Variants in ABCE1 observed in about 807,000 individuals in gnomAD.
The protein encoded by ABCE1 is ATP-binding cassette sub-family E member 1.
Under a neutral mutation model 83.4 loss-of-function variants are expected in ABCE1, and 22 were observed. That is an observed-to-expected ratio of 0.26 (90% CI 0.19 to 0.38). The LOEUF (loss-of-function observed/expected upper bound fraction) is 0.38. Ranked by LOEUF, ABCE1 falls within the 10% of genes least tolerant of loss-of-function variation. ABCE1 has a pLI of 1.00. For missense variants in ABCE1, 330 were observed against 721.9 expected, an observed-to-expected ratio of 0.46 and a Z score of 6.22; for synonymous variants, 204 against 233.7, an observed-to-expected ratio of 0.87 and a Z score of 1.16.
Position 145,123,615 on chromosome 4 carries a change from TA to T in ABCE1, c.1640+17del, listed in dbSNP as rs1465236099. 1 of 1,586,704 alleles carries T rather than the reference TA, an allele frequency of 6.3e-7. No homozygotes were observed. The highest frequency in any genetic ancestry group is 2.3e-5 in the East Asian group (1 of 44,112). ...GTTGCAAACAGGTAAAATTACTTTT[TA>T]ATATGTTCAAAGTAATTCATTTTAA... On this transcript the variant is annotated intron_variant, in intron 16 of 17. Coordinates refer to ENST00000296577, the MANE Select transcript of ABCE1 (RefSeq NM_002940.3).
At chr4:145,119,906 C>T (rs957651321) in intron 10 of ABCE1, 26 bp from the exon 11 acceptor site, 28 of 1,570,436 alleles carry the variant, frequency 1.8e-5, no homozygotes, top group African/African-American at 4.1e-5. Context: ...ATGATTTCTC[C>T]CGGTTGACAA....
intron 17 of ABCE1, among the ~76,000 whole-genome samples, chr4:145,125,674 T>C (rs1749861567): frequency 1.3e-5 from 2 of 152,180 alleles, no homozygotes; most frequent in African/African-American, 2.4e-5. Context: ...CCACTTAAAA[T>C]GTCTGGGGAA....
intron 3 of ABCE1, 31 bp downstream of exon 3, chr4:145,105,721 G>A (rs376835589): frequency 3.5e-5 from 51 of 1,474,462 alleles, no homozygotes; most frequent in Middle Eastern, 2.3e-4. Flanking sequence ...TGGATCAAAC[G>A]TGTAACCTAA....
At position 145,123,199 on chromosome 4, in the gene ABCE1, A is replaced by G. The variant is rs764445391; in HGVS notation, c.1375-16A>G. 6.9e-6 allele frequency: 11 copies of G among 1,595,606 alleles called. No individual in the cohort carries two copies. Among genetic ancestry groups the G allele is most frequent in the African/African-American group, 2.7e-5 (2 of 73,586 alleles). On this transcript the variant is annotated splice_polypyrimidine_tract_variant and intron_variant, in intron 14 of 17. Transcript: ENST00000296577. ...TTTGGATGCCTTTACATGGTTTGCT[A>G]AACTCCTCCAATTAGGTGCAGACAT... is the stretch of plus-strand genomic sequence containing the variant.
intron 1 of ABCE1, among the ~76,000 whole-genome samples, chr4:145,103,766 G>GTTT (rs4148236): frequency 1.4e-5 from 2 of 138,442 alleles, no homozygotes; most frequent in African/African-American, 2.6e-5. Flanking sequence ...GTTGGTTGGG[G>GTTT]TTTTTTTTTT....
At chr4:145,109,488 G>A (rs999770659) in intron 5 of ABCE1, among the ~76,000 whole-genome samples, 5 of 152,090 alleles carry the variant, frequency 3.3e-5, no homozygotes, top group Non-Finnish European at 5.9e-5. Flanking sequence ...TGATTCTGCT[G>A]TATTACACAC....
In ABCE1 at chr4:145,107,636, G is replaced by A. The variant is rs35521789; in HGVS notation, c.190-379G>A. On this transcript the variant is annotated intron_variant, in intron 3 of 17. Transcript: ENST00000296577. ...TCAAACTGTGCAGATCTACATACAC[G>A]TGTATTTTTTCCCCCAACCAAATGC... Among the ~76,000 whole-genome samples the A allele has an allele frequency of 7.0e-3, 1,066 of 152,268 alleles. 7 individuals are homozygous for A. The highest frequency in any genetic ancestry group is 0.02 in the Middle Eastern group (6 of 294).
Position 145,127,568 on chromosome 4 carries a change from G to T in ABCE1, c.1795G>T (p.Asp599Tyr). 6.4e-7 allele frequency: 1 copy of T among 1,566,192 alleles called. No homozygotes were observed. Among genetic ancestry groups the T allele is most frequent in the Non-Finnish European group, 8.6e-7 (1 of 1,164,154 alleles). The change falls in exon 18 of 18, where the codon GAT (aspartate) becomes TAT (tyrosine). Residue 599 changes from aspartate to tyrosine, a missense_variant. Physicochemically the swap from Asp to Tyr is radical, Grantham distance 160. Coordinates refer to ENST00000296577, the MANE Select transcript of ABCE1 (RefSeq NM_002940.3). Reference protein sequence around the residue: ...KKSGNYFFLDD With the variant: ...KKSGNYFFLDY ...GAGTGGAAACTACTTTTTCTTGGAT[G>T]ATTAGACTGACTCTGAGAATATTGA...
intron 16 of ABCE1, among the ~76,000 whole-genome samples, chr4:145,124,699 G>A (rs1187363626): frequency 1.3e-5 from 2 of 152,086 alleles, no homozygotes; most frequent in Non-Finnish European, 2.9e-5. Flanking sequence ...ATTATCTTCT[G>A]TTTTTCTAAA....
At chr4:145,105,897 G>A (rs1464433188) in intron 3 of ABCE1, among the ~76,000 whole-genome samples, 1 of 151,842 alleles carries the variant, frequency 6.6e-6, no homozygotes, top group Non-Finnish European at 1.5e-5. Context: ...AGTTACTCTT[G>A]CTGTACTCAA....
At chr4:145,098,953 C>T (rs1749004763) in intron 1 of ABCE1, among the ~76,000 whole-genome samples, 1 of 152,238 alleles carries the variant, frequency 6.6e-6, no homozygotes, top group Admixed American at 6.5e-5. Context: ...ATGATGCCCA[C>T]ATGTCACTCT....
intron 1 of ABCE1, among the ~76,000 whole-genome samples, chr4:145,103,674 C>T (rs1482490049): frequency 6.6e-6 from 1 of 152,014 alleles, no homozygotes; most frequent in Non-Finnish European, 1.5e-5. Flanking sequence ...GTGGGATTTC[C>T]CCCATCCTGC....
In ABCE1 at chr4:145,110,308, T is replaced by C; in HGVS notation, c.544-67T>C. 7 of 1,596,736 alleles carry C rather than the reference T, an allele frequency of 4.4e-6. No individual in the cohort carries two copies. In the South Asian group the frequency reaches 7.9e-5, roughly 18 times the overall value. ...TATAAAAGATATATCAAAATAAACT[T>C]GTTTTACTTTGTGATTCTTTTTAAT... is the stretch of plus-strand genomic sequence containing the variant. On this transcript the variant is annotated intron_variant, in intron 6 of 17. Coordinates refer to ENST00000296577, the MANE Select transcript of ABCE1 (RefSeq NM_002940.3).
chr4:145,102,052 CAGT>C (rs1749166763), intron 1 of ABCE1, among the ~76,000 whole-genome samples: 1 of 151,830 alleles, frequency 6.6e-6, no homozygotes, highest in Non-Finnish European at 1.5e-5. Context: ...ACCAGGAAAA[CAGT>C]AGAAAAACCA....
chr4:145,111,425 G>T (rs749089316), intron 8 of ABCE1, among the ~76,000 whole-genome samples: 1 of 152,098 alleles, frequency 6.6e-6, no homozygotes, highest in Non-Finnish European at 1.5e-5. Context: ...CCGGGTTCAC[G>T]CCATTCTCCT....
At chr4:145,107,496 AAAC>A (rs1749343087) in intron 3 of ABCE1, among the ~76,000 whole-genome samples, 1 of 152,168 alleles carries the variant, frequency 6.6e-6, no homozygotes, top group Non-Finnish European at 1.5e-5. Context: ...ACCAAACAAA[AAAC>A]CTCAAGTTCT....
intron 10 of ABCE1, 43 bp downstream of exon 10, chr4:145,117,457 A>C (rs1304527665): frequency 6.3e-7 from 1 of 1,583,590 alleles, no homozygotes; most frequent in South Asian, 1.1e-5. Flanking sequence ...ATTCTCTTCT[A>C]CTCTAATGCT....
At chr4:145,111,940 A>G (rs1278858175) in intron 8 of ABCE1, among the ~76,000 whole-genome samples, 6 of 152,206 alleles carry the variant, frequency 3.9e-5, no homozygotes, top group African/African-American at 1.4e-4. Flanking sequence ...AAGCTCTCCA[A>G]ACTACTTGAG....
intron 7 of ABCE1, 126 bp from the exon 8 acceptor site, chr4:145,110,842 G>T: frequency 3.2e-6 from 2 of 620,636 alleles, no homozygotes; most frequent in East Asian, 2.9e-5. Context: ...AAAATCTCCA[G>T]TAATTGTTAT....
Sources: allele counts gnomAD v4.1 joint callset (sites outside exome capture counted in the v4.1 genomes callset), GRCh38; gene constraint gnomAD v4.1.1; transcripts MANE v1.5; gene names NCBI Gene and HGNC (gene_info 2026-07-23, HGNC 2026-07-21).